The following PNLDC1 variants were observed in gnomAD, a reference collection of about 807,000 sequenced individuals.
The protein encoded by PNLDC1 is PARN like ribonuclease domain containing exonuclease 1.
In PNLDC1, 70 loss-of-function variants were observed where a neutral mutation model predicts 82.0. The ratio of observed to expected loss-of-function variants is 0.85; its 90% confidence interval spans 0.70 to 1.04. PNLDC1 has a LOEUF of 1.04. PNLDC1 is among the 50% of genes least tolerant of loss of function. The pLI is 0.00. For missense variants in PNLDC1, 631 were observed against 661.1 expected (o/e 0.95, Z 0.50); for synonymous variants, 280 against 249.3 (o/e 1.12, Z -1.16).
intron 16 of PNLDC1, 67 bp downstream of exon 16, chr6:159,818,721 G>A: frequency 1.4e-6 from 2 of 1,468,230 alleles, no homozygotes; most frequent in Non-Finnish European, 1.9e-6. Flanking sequence ...GAAGCGGCCA[G>A]TGCTCTCTGG....
At chr6:159,803,422 A>G in intron 4 of PNLDC1, 112 bp downstream of exon 4, 2 of 928,808 alleles carry the variant, frequency 2.2e-6, no homozygotes, top group Non-Finnish European at 3.4e-6. Context: ...GATCTTCCGT[A>G]TTCTCTCCTG....
chr6:159,800,716 A>G, intron 1 of PNLDC1, 56 bp from the exon 2 acceptor site: 1 of 1,614,154 alleles, frequency 6.2e-7, no homozygotes, highest in African/African-American at 1.3e-5. Flanking sequence ...CTACAGTGTG[A>G]GGAGTGCTGG....
chr6:159,810,244 G>C lies in PNLDC1; in HGVS notation c.853+149G>C, dbSNP rs1781602598. 7.4e-6 allele frequency: 5 copies of C among 673,994 alleles called. No homozygotes were observed. The South Asian group carries it at 7.5e-5, about 10-fold the overall frequency. The allele number at this position is 673,994 out of a possible 1,614,324, so 41.8% of individuals were successfully genotyped here. On this transcript the variant is annotated intron_variant, in intron 10 of 18. Coordinates refer to ENST00000392167, the MANE Select transcript of PNLDC1 (RefSeq NM_001271862.2). ...TTCTGGAGAGTTTGGGCAGAGGCCT[G>C]TACTCTGATCTGTTACTGTCTCCCC...
chr6:159,809,976 C>T (rs1463304367), intron 9 of PNLDC1, 50 bp from the exon 10 acceptor site: 1 of 1,470,792 alleles, frequency 6.8e-7, no homozygotes, highest in Non-Finnish European at 9.5e-7. Context: ...TCTGTAGTGT[C>T]TGGATTACAT....
chr6:159,807,508 A>T (rs1289565438), intron 7 of PNLDC1, among the ~76,000 whole-genome samples: 1 of 152,246 alleles, frequency 6.6e-6, no homozygotes, highest in East Asian at 1.9e-4. Flanking sequence ...TGCCACCGTA[A>T]GCTTGACAGC....
At chr6:159,810,667 A>G (rs1294945803) in intron 10 of PNLDC1, among the ~76,000 whole-genome samples, 2 of 152,164 alleles carry the variant, frequency 1.3e-5, no homozygotes, top group South Asian at 2.1e-4. Flanking sequence ...CACACTCACT[A>G]CGTGCGTAGT....
At chr6:159,811,657 CAACA>C (rs778174855) in intron 10 of PNLDC1, 40 bp from the exon 11 acceptor site, 13 of 1,521,226 alleles carry the variant, frequency 8.5e-6, no homozygotes, top group Middle Eastern at 3.4e-4. Context: ...CCATTTTTGC[CAACA>C]AACAAATTCA....
upstream of PNLDC1, chr6:159,800,185 G>C: frequency 1.1e-6 from 1 of 894,004 alleles, no homozygotes; most frequent in Admixed American, 2.7e-5. Context: ...GGCACGTGGG[G>C]CGGAGGCAGC....
intron 7 of PNLDC1, among the ~76,000 whole-genome samples, 160 bp downstream of exon 7, chr6:159,806,243 G>A (rs867519860): frequency 1.6e-4 from 25 of 152,236 alleles, no homozygotes; most frequent in Non-Finnish European, 2.8e-4. Context: ...GAGTCTTTGT[G>A]GTTAAAGTTC....
At chr6:159,802,848 G>A (rs542076674) in intron 3 of PNLDC1, among the ~76,000 whole-genome samples, 1 of 151,952 alleles carries the variant, frequency 6.6e-6, no homozygotes, top group South Asian at 2.1e-4. Context: ...CTCCCAAAGT[G>A]TTGGGATTAC....
intron 13 of PNLDC1, 114 bp from the exon 14 acceptor site, chr6:159,816,429 A>C: frequency 1.1e-6 from 1 of 928,418 alleles, no homozygotes; most frequent in Non-Finnish European, 1.8e-6. Flanking sequence ...GGAGAAGGGT[A>C]TGCAGGACCA....
intron 15 of PNLDC1, among the ~76,000 whole-genome samples, chr6:159,817,579 G>T (rs527898431): frequency 3.9e-5 from 6 of 152,218 alleles, no homozygotes; most frequent in South Asian, 4.1e-4. Context: ...GGGCACATAG[G>T]CTAGGGAGAG....
Position 159,803,973 on chromosome 6 carries a change from C to G in PNLDC1, c.257C>G (p.Ala86Gly). The part of the protein sequence containing the change: ...AIEGEANKYI[A>G]HSCNFYLFPT... ...TGTTTGTTTTATTATAGGTATATAG[C>G]CCATTCTTGTAACTTCTATCTCTTC... is the stretch of plus-strand genomic sequence containing the variant. Residue 86 changes from alanine to glycine, a missense_variant, in exon 5 of 19, where the codon GCC becomes GGC. Physicochemically the swap from Ala to Gly is moderately conservative, Grantham distance 60. Transcript: ENST00000392167. 1.9e-6 allele frequency: 3 copies of G among 1,613,446 alleles called. No homozygotes were observed. Among genetic ancestry groups the G allele is most frequent in the Non-Finnish European group, 2.5e-6 (3 of 1,179,562 alleles).
Position 159,804,608 on chromosome 6 carries a change from T to C in PNLDC1, c.432T>C (p.Asp144=). ...AACAGGAGAAGAAAATTAGACACGA[T>C]ATCCTGACTGGGAACTGGAGAGTTC... The part of the protein sequence containing the change: ...NEEQEKKIRH[D]ILTGNWRVRS... The change falls in exon 6 of 19, where the codon GAT becomes GAC. Residue 144 remains aspartate, a synonymous_variant. Coordinates refer to ENST00000392167, the MANE Select transcript of PNLDC1 (RefSeq NM_001271862.2). The C allele has an allele frequency of 6.2e-7, 1 of 1,611,052 alleles. No homozygotes were observed. Among genetic ancestry groups the C allele is most frequent in the South Asian group, 1.1e-5 (1 of 90,946 alleles).
chr6:159,799,929 C>T (rs78136236), upstream of PNLDC1, among the ~76,000 whole-genome samples: 20 of 152,280 alleles, frequency 1.3e-4, no homozygotes, highest in East Asian at 3.7e-3. Context: ...CAGTTGCGTC[C>T]GGTGTTGTTC....
chr6:159,802,595 A>C (rs1781301806), intron 3 of PNLDC1, among the ~76,000 whole-genome samples: 1 of 150,676 alleles, frequency 6.6e-6, no homozygotes, highest in African/African-American at 2.4e-5. Flanking sequence ...GTTTGGGGGG[A>C]AGGGGGACAG....
At chr6:159,805,767 C>G (rs1781424952) in intron 6 of PNLDC1, 2 of 539,972 alleles carry the variant, frequency 3.7e-6, no homozygotes, top group Non-Finnish European at 6.7e-6. Context: ...TGAATATATG[C>G]CTGGATCCTA....
intron 15 of PNLDC1, 99 bp downstream of exon 15, chr6:159,817,250 A>G (rs1781866409): frequency 8.9e-7 from 1 of 1,127,428 alleles, no homozygotes; most frequent in African/African-American, 1.5e-5. Context: ...GGGTTCTACC[A>G]AAGAAGGGAG....
chr6:159,802,136 T>G (rs56015409), intron 3 of PNLDC1, among the ~76,000 whole-genome samples: 72,838 of 152,174 alleles, frequency 0.48, 18,320 homozygotes, highest in Non-Finnish European at 0.55. Context: ...TGCGTAATGC[T>G]GTTTCTTTTA....
Sources: gnomAD v4.1 joint callset for allele counts (sites outside exome capture counted in the v4.1 genomes callset) on GRCh38, gnomAD v4.1.1 for gene constraint, MANE v1.5 for transcripts, NCBI Gene and HGNC (gene_info 2026-07-23, HGNC 2026-07-21) for gene names.